SEC14L5: variants seen among roughly 807,000 people sequenced by gnomAD.
SEC14L5 encodes the protein SEC14-like protein 5.
SEC14L5 carries 96 observed loss-of-function variants against 84.6 expected under a neutral mutation model. That is an observed-to-expected ratio of 1.13 (90% confidence interval 0.96 to 1.34). The LOEUF (loss-of-function observed/expected upper bound fraction) is 1.34, where lower values mean the gene tolerates loss of function less well. SEC14L5 is among the 40% of genes most tolerant of loss of function. The pLI is 0.00. For missense variants in SEC14L5, 1,224 were observed against 942.5 expected (o/e 1.30, Z -3.91); for synonymous variants, 546 against 383.4 (o/e 1.42, Z -4.95).
intron 15 of SEC14L5, among the ~76,000 whole-genome samples, chr16:5,013,947 C>T (rs939922784): frequency 6.6e-6 from 1 of 152,162 alleles, no homozygotes; most frequent in South Asian, 2.1e-4. Flanking sequence ...CCTGCCTCAG[C>T]CTTTCAAAGT....
rs1864743492 is a variant in SEC14L5 at position 5,018,244 on chromosome 16, C to T, written c.*3274C>T. 1 of 152,256 alleles carries T rather than the reference C, an allele frequency of 6.6e-6. No individual in the cohort carries two copies. Among genetic ancestry groups the T allele is most frequent in the South Asian group, 2.1e-4 (1 of 4,834 alleles). The allele number at this position is 152,256 out of a possible 1,614,324, so 9.4% of individuals were successfully genotyped here. A position where few individuals can be genotyped will look rare whatever the true frequency, so the allele number is the denominator to read the frequency against. Reference sequence around the variant, plus strand: ...CAGTGGTCATTCTGATTACTTAATGCTTCGCATCCAAAGACTCGTTTTCTT... The same window carrying T: ...CAGTGGTCATTCTGATTACTTAATGTTTCGCATCCAAAGACTCGTTTTCTT... On this transcript the variant is annotated 3_prime_UTR_variant, in exon 16 of 16. Coordinates refer to ENST00000251170, the MANE Select transcript of SEC14L5 (RefSeq NM_014692.2).
chr16:4,993,959 T>A (rs2972266), intron 6 of SEC14L5, among the ~76,000 whole-genome samples: 1 of 146,944 alleles, frequency 6.8e-6, no homozygotes, highest in Non-Finnish European at 1.5e-5. Flanking sequence ...GTTTAGTGAC[T>A]GTTTTCCTTT....
chr16:4,974,880 C>T (rs185278419), intron 2 of SEC14L5, among the ~76,000 whole-genome samples: 127 of 152,018 alleles, frequency 8.4e-4, no homozygotes, highest in Non-Finnish European at 1.5e-3. Flanking sequence ...TGTATTCAAG[C>T]GATTCTCCTG....
intron 2 of SEC14L5, among the ~76,000 whole-genome samples, chr16:4,986,950 T>C (rs1490010609): frequency 6.6e-6 from 1 of 152,226 alleles, no homozygotes; most frequent in East Asian, 1.9e-4. Flanking sequence ...CTTTAGGATT[T>C]TCTATATAAA....
chr16:5,010,024 G>A lies in SEC14L5; in HGVS notation c.1801-1071G>A, dbSNP rs145244723. Among the ~76,000 whole-genome samples the A allele has an allele frequency of 2.6e-3, 389 of 151,956 alleles. 3 individuals are homozygous for A. The East Asian group carries it at 0.035, about 14-fold the overall frequency. The stretch of plus-strand genomic sequence containing the variant: ...TAGTCAGATTTCTGATGTGCACTGT[G>A]GTTTCAGAACTGATGCAAAAGAAAC... On this transcript the variant is annotated intron_variant, in intron 14 of 15. Transcript: ENST00000251170.
At chr16:5,004,062 G>A (rs1487849305) in intron 11 of SEC14L5, among the ~76,000 whole-genome samples, 1 of 152,270 alleles carries the variant, frequency 6.6e-6, no homozygotes, top group Non-Finnish European at 1.5e-5. Context: ...GTGGGCAAAA[G>A]CCTGGAGGCT....
intron 2 of SEC14L5, among the ~76,000 whole-genome samples, chr16:4,967,302 C>T (rs1006620607): frequency 1.3e-5 from 2 of 152,078 alleles, no homozygotes; most frequent in African/African-American, 4.8e-5. Context: ...CTCACTGTGT[C>T]CAGATTTCCG....
intron 2 of SEC14L5, among the ~76,000 whole-genome samples, chr16:4,972,757 T>G (rs1955296185): frequency 6.6e-6 from 1 of 152,240 alleles, no homozygotes; most frequent in Non-Finnish European, 1.5e-5. Context: ...CGTGGGTGTT[T>G]TCCCCCTTTT....
At chr16:4,999,091 G>C (rs57724402) in intron 8 of SEC14L5, among the ~76,000 whole-genome samples, 224 of 152,258 alleles carry the variant, frequency 1.5e-3, no homozygotes, top group African/African-American at 5.3e-3. Context: ...ATGCCACATT[G>C]TTGCATTTTT....
At chr16:4,973,369 C>G (rs1955302716) in intron 2 of SEC14L5, among the ~76,000 whole-genome samples, 1 of 140,336 alleles carries the variant, frequency 7.1e-6, no homozygotes, top group Non-Finnish European at 1.6e-5. Flanking sequence ...GGTACAGCTG[C>G]AATGATGGAT....
chr16:4,986,812 TTTA>T (rs1163792970), intron 2 of SEC14L5, among the ~76,000 whole-genome samples: 4 of 152,362 alleles, frequency 2.6e-5, no homozygotes, highest in African/African-American at 9.6e-5. Flanking sequence ...ATTTTTTCAT[TTTA>T]TTTTCAGTTT....
intron 11 of SEC14L5, among the ~76,000 whole-genome samples, 164 bp from the exon 12 acceptor site, chr16:5,005,750 G>C (rs1230927938): frequency 6.6e-6 from 1 of 150,734 alleles, no homozygotes; most frequent in Non-Finnish European, 1.5e-5. Flanking sequence ...TGTAGTCCCA[G>C]CTACTCGGGA....
intron 10 of SEC14L5, among the ~76,000 whole-genome samples, 164 bp downstream of exon 10, chr16:5,001,089 C>T (rs1045135526): frequency 6.6e-6 from 1 of 152,048 alleles, no homozygotes; most frequent in Admixed American, 6.6e-5. Flanking sequence ...CCGTAAGCAT[C>T]CCCGTTTTCT....
At chr16:5,012,686 T>G (rs9924437) in intron 15 of SEC14L5, among the ~76,000 whole-genome samples, 6,347 of 152,168 alleles carry the variant, frequency 0.042, 451 homozygotes, top group African/African-American at 0.14. Flanking sequence ...GGGTGGATCA[T>G]CTGTGGTCAA....
At chr16:5,007,242 A>T in intron 12 of SEC14L5, 110 bp from the exon 13 acceptor site, 1 of 906,366 alleles carries the variant, frequency 1.1e-6, no homozygotes, top group Non-Finnish European at 1.7e-6. Flanking sequence ...CCATTCAGTA[A>T]GGGGTTGCAA....
intron 2 of SEC14L5, among the ~76,000 whole-genome samples, chr16:4,974,871 G>A (rs1455920177): frequency 1.3e-5 from 2 of 151,674 alleles, no homozygotes; most frequent in African/African-American, 2.4e-5. Flanking sequence ...TCTGCCTCCT[G>A]TATTCAAGCG....
intron 11 of SEC14L5, among the ~76,000 whole-genome samples, chr16:5,005,538 C>T (rs1223928833): frequency 6.6e-6 from 1 of 151,242 alleles, no homozygotes; most frequent in East Asian, 2.0e-4. Flanking sequence ...ATGATTAATT[C>T]TATGTTGTAT....
intron 6 of SEC14L5, among the ~76,000 whole-genome samples, chr16:4,992,313 C>T (rs1457889745): frequency 3.3e-5 from 5 of 152,196 alleles, no homozygotes; most frequent in East Asian, 3.8e-4. Flanking sequence ...CGCAGTAGCA[C>T]GATCTCGGCT....
At chr16:5,005,888 C>T in intron 11 of SEC14L5, 26 bp from the exon 12 acceptor site, 3 of 1,420,942 alleles carry the variant, frequency 2.1e-6, no homozygotes, top group South Asian at 1.3e-5. Flanking sequence ...AAAAACCATC[C>T]ATCTTGCCTT....
Sources: allele counts gnomAD v4.1 joint callset (sites outside exome capture counted in the v4.1 genomes callset), GRCh38; gene constraint gnomAD v4.1.1; transcripts MANE v1.5; gene names NCBI Gene and HGNC (gene_info 2026-07-23, HGNC 2026-07-21).